Variants in FOXP2 observed in about 807,000 individuals in gnomAD.
FOXP2 encodes the protein forkhead box P2.
FOXP2 carries 12 observed loss-of-function variants against 115.8 expected under a neutral mutation model. That is an observed-to-expected ratio of 0.10 (90% confidence interval 0.07 to 0.17). FOXP2 has a LOEUF of 0.17. Ranked by LOEUF, FOXP2 falls within the 10% of genes least tolerant of loss-of-function variation. FOXP2 has a pLI of 1.00. For missense variants in FOXP2, 629 were observed against 843.5 expected (o/e 0.75, Z 3.15); for synonymous variants, 328 against 297.7 (o/e 1.10, Z -1.05).
intron 1 of FOXP2, among the ~76,000 whole-genome samples, chr7:114,245,409 A>G (rs1469701957): frequency 1.3e-5 from 2 of 152,362 alleles, no homozygotes; most frequent in South Asian, 4.1e-4. Context: ...ATTTTAGCAT[A>G]TATGAAATAT....
intron 2 of FOXP2, among the ~76,000 whole-genome samples, chr7:114,363,746 A>T (rs1203734946): frequency 6.6e-6 from 1 of 152,100 alleles, no homozygotes; most frequent in Non-Finnish European, 1.5e-5. Flanking sequence ...TTGTAATGTT[A>T]TCCTAAGAAA....
At chr7:114,427,554 T>C (rs1793914819) in intron 2 of FOXP2, among the ~76,000 whole-genome samples, 1 of 151,628 alleles carries the variant, frequency 6.6e-6, no homozygotes, top group Admixed American at 6.6e-5. Context: ...TATATTTGTT[T>C]TAAAATAAAT....
intron 2 of FOXP2, among the ~76,000 whole-genome samples, chr7:114,508,998 A>G (rs1797949624): frequency 6.6e-6 from 1 of 152,134 alleles, no homozygotes; most frequent in Non-Finnish European, 1.5e-5. Context: ...TAAAGAAGTA[A>G]AAGAGCAAGC....
chr7:114,286,339 A>T (rs2129175725), intron 1 of FOXP2, among the ~76,000 whole-genome samples: 1 of 152,120 alleles, frequency 6.6e-6, no homozygotes, highest in African/African-American at 2.4e-5. Flanking sequence ...TTACTTTGAT[A>T]TTAATAGACC....
chr7:114,274,603 CTTTTTTTTTTTT>C lies in FOXP2; in HGVS notation c.-101-13398_-101-13387del, dbSNP rs71157577. On this transcript the variant is annotated intron_variant, in intron 1 of 17. Transcript: ENST00000634411. ...TGGATTGGTTTTTTCCCTCTCAAAG[CTTTTTTTTTTTT>C]TTTTTTTTTTTTTTTTTGAGGCAGG... Among the ~76,000 whole-genome samples the C allele has an allele frequency of 4.0e-4, 17 of 42,580 alleles. 1 individual carries two copies. The Admixed American group carries it at 4.8e-3, about 12-fold the overall frequency. 27.9% of individuals were successfully genotyped at this position (42,580 alleles called of 152,430 possible).
At chr7:114,563,293 A>G (rs1206101401) in intron 3 of FOXP2, among the ~76,000 whole-genome samples, 1 of 152,210 alleles carries the variant, frequency 6.6e-6, no homozygotes, top group Non-Finnish European at 1.5e-5. Context: ...AGAGAGTTGA[A>G]TTCAATTCTT....
chr7:114,443,930 A>G (rs1176224470), intron 2 of FOXP2, among the ~76,000 whole-genome samples: 3 of 152,200 alleles, frequency 2.0e-5, no homozygotes, highest in African/African-American at 4.8e-5. Flanking sequence ...TCCTCTGGGT[A>G]TATACCCAAT....
chr7:114,131,914 CAT>C (rs1479330114), intron 1 of FOXP2, among the ~76,000 whole-genome samples: 5 of 152,086 alleles, frequency 3.3e-5, no homozygotes, highest in African/African-American at 1.2e-4. Flanking sequence ...GGTGAAAAGA[CAT>C]ATTAAATATT....
At chr7:114,146,115 A>G (rs1319586021) in intron 1 of FOXP2, among the ~76,000 whole-genome samples, 2 of 152,198 alleles carry the variant, frequency 1.3e-5, no homozygotes, top group Non-Finnish European at 2.9e-5. Flanking sequence ...TGGATTCAGA[A>G]ACCAACTCAG....
chr7:114,400,058 C>T (rs1368978383), intron 2 of FOXP2, among the ~76,000 whole-genome samples: 1 of 151,882 alleles, frequency 6.6e-6, no homozygotes, highest in Non-Finnish European at 1.5e-5. Context: ...GGGGGTTTCA[C>T]CATCTTGGCC....
At chr7:114,181,931 A>C (rs1319592028) in intron 1 of FOXP2, among the ~76,000 whole-genome samples, 1 of 152,110 alleles carries the variant, frequency 6.6e-6, no homozygotes, top group African/African-American at 2.4e-5. Context: ...CTGGTTCTCA[A>C]AAAAGGTATG....
chr7:114,159,411 T>C (rs760763386), upstream of FOXP2, among the ~76,000 whole-genome samples: 11 of 152,092 alleles, frequency 7.2e-5, no homozygotes, highest in Non-Finnish European at 1.6e-4. Flanking sequence ...TATATAAATT[T>C]ATTAATGTTG....
At chr7:114,152,797 T>C (rs2129149062) in intron 1 of FOXP2, among the ~76,000 whole-genome samples, 1 of 152,194 alleles carries the variant, frequency 6.6e-6, no homozygotes, top group South Asian at 2.1e-4. Flanking sequence ...AGGGTAGTTC[T>C]GAAGTTTGAC....
chr7:114,278,341 C>T (rs1022486819), intron 1 of FOXP2, among the ~76,000 whole-genome samples: 16 of 151,664 alleles, frequency 1.1e-4, no homozygotes, highest in African/African-American at 3.6e-4. Context: ...TTTCATAAGC[C>T]ATATACCTGT....
chr7:114,592,540 T>C (rs1263405794), intron 3 of FOXP2, among the ~76,000 whole-genome samples: 1 of 152,044 alleles, frequency 6.6e-6, no homozygotes, highest in African/African-American at 2.4e-5. Flanking sequence ...TTCTATTTTC[T>C]TTACAGATCT....
At chr7:114,439,773 C>T (rs943996269) in intron 2 of FOXP2, among the ~76,000 whole-genome samples, 4 of 151,998 alleles carry the variant, frequency 2.6e-5, no homozygotes, top group African/African-American at 4.8e-5. Context: ...AGGGTTTTGG[C>T]ATGTTGCCCA....
intron 1 of FOXP2, among the ~76,000 whole-genome samples, chr7:114,123,007 C>T (rs1791609158): frequency 1.3e-5 from 2 of 151,788 alleles, no homozygotes; most frequent in Admixed American, 1.3e-4. Flanking sequence ...TGAAGTATAG[C>T]TTGCAATCAA....
intron 2 of FOXP2, among the ~76,000 whole-genome samples, chr7:114,481,212 T>C (rs1451917321): frequency 3.3e-5 from 5 of 151,348 alleles, no homozygotes; most frequent in Non-Finnish European, 7.4e-5. Context: ...TGGAGTTTTA[T>C]AGATAAGCTT....
At chr7:114,284,165 G>A (rs144110130) in intron 1 of FOXP2, among the ~76,000 whole-genome samples, 158 of 152,036 alleles carry the variant, frequency 1.0e-3, no homozygotes, top group Admixed American at 2.8e-3. Context: ...AAAAGGGAAT[G>A]TTTCTATACA....
Sources: allele counts gnomAD v4.1 joint callset (sites outside exome capture counted in the v4.1 genomes callset), GRCh38; gene constraint gnomAD v4.1.1; transcripts MANE v1.5; gene names NCBI Gene and HGNC (gene_info 2026-07-23, HGNC 2026-07-21).